The following RBFOX3 variants were observed in gnomAD, a reference collection of about 807,000 sequenced individuals.
RBFOX3 encodes the protein RNA binding fox-1 homolog 3, also known as RNA binding protein fox-1 homolog 3.
Under a neutral mutation model 48.7 loss-of-function variants are expected in RBFOX3, and 17 were observed. That is an observed-to-expected ratio of 0.35 (90% confidence interval 0.24 to 0.52). RBFOX3 has a LOEUF of 0.52. Ranked by LOEUF, RBFOX3 falls within the 20% of genes least tolerant of loss-of-function variation. The pLI is 0.94. For missense variants in RBFOX3, 382 were observed against 497.5 expected, an observed-to-expected ratio of 0.77 and a Z score of 2.21; for synonymous variants, 212 against 209.5, an observed-to-expected ratio of 1.01 and a Z score of -0.10.
At chr17:79,137,846 C>A (rs753350325) in intron 4 of RBFOX3, among the ~76,000 whole-genome samples, 11 of 152,314 alleles carry the variant, frequency 7.2e-5, no homozygotes, top group Non-Finnish European at 1.3e-4. Flanking sequence ...CAGCACAAAG[C>A]GGGGCCATTT....
intron 3 of RBFOX3, among the ~76,000 whole-genome samples, chr17:79,251,235 T>G (rs2063908208): frequency 1.3e-5 from 2 of 152,138 alleles, no homozygotes; most frequent in Admixed American, 6.5e-5. Context: ...CAGGAACTCC[T>G]GCATGTAGGT....
chr17:79,335,837 C>T (rs1213681345), intron 2 of RBFOX3, among the ~76,000 whole-genome samples: 2 of 152,224 alleles, frequency 1.3e-5, no homozygotes, highest in Non-Finnish European at 2.9e-5. Context: ...CTCACCTGCC[C>T]CTGCACTCCA....
intron 4 of RBFOX3, among the ~76,000 whole-genome samples, chr17:79,219,225 C>T (rs1215518338): frequency 6.6e-6 from 1 of 152,158 alleles, no homozygotes; most frequent in African/African-American, 2.4e-5. Flanking sequence ...TGTGGGGTTG[C>T]CCCTGCCTGG....
intron 3 of RBFOX3, among the ~76,000 whole-genome samples, chr17:79,294,216 T>G (rs2073935233): frequency 6.6e-6 from 1 of 152,240 alleles, no homozygotes; most frequent in Non-Finnish European, 1.5e-5. Flanking sequence ...CTCAGCAGAA[T>G]CCTGGACTGG....
intron 4 of RBFOX3, among the ~76,000 whole-genome samples, chr17:79,197,824 G>A (rs1001016192): frequency 2.0e-5 from 3 of 152,050 alleles, no homozygotes; most frequent in Non-Finnish European, 2.9e-5. Flanking sequence ...AGAGAGGGAC[G>A]GAGAAAACAC....
At chr17:79,197,355 C>A (rs1283782534) in intron 4 of RBFOX3, among the ~76,000 whole-genome samples, 1 of 151,618 alleles carries the variant, frequency 6.6e-6, no homozygotes, top group Non-Finnish European at 1.5e-5. Flanking sequence ...TGGGACAAAC[C>A]AGGAAACAGA....
chr17:79,619,131 C>T, the RBFOX3 span, among the ~76,000 whole-genome samples: 1 of 152,282 alleles, frequency 6.6e-6, no homozygotes, highest in South Asian at 2.1e-4. Flanking sequence ...AAAAATAGCA[C>T]CAATTTTCCA....
chr17:79,446,310 C>T (rs531658332), intron 2 of RBFOX3, among the ~76,000 whole-genome samples: 3 of 152,336 alleles, frequency 2.0e-5, no homozygotes, highest in Admixed American at 6.5e-5. Context: ...CTAAGCAGGA[C>T]ATGGCTGCCT....
At chr17:79,250,480 G>A (rs1415016017) in intron 3 of RBFOX3, among the ~76,000 whole-genome samples, 1 of 152,180 alleles carries the variant, frequency 6.6e-6, no homozygotes, top group African/African-American at 2.4e-5. Flanking sequence ...GTTGTAGGAG[G>A]AGTTCCTGAT....
At chr17:79,138,950 A>ACAC (rs1568207870) in intron 4 of RBFOX3, among the ~76,000 whole-genome samples, 256 of 16,122 alleles carry the variant, frequency 0.016, 1 homozygote, top group African/African-American at 0.077. Context: ...CACCCCCCTC[A>ACAC]GCCCCACACA....
intron 4 of RBFOX3, among the ~76,000 whole-genome samples, chr17:79,153,655 T>TA (rs1188287369): frequency 1.3e-5 from 2 of 152,154 alleles, no homozygotes; most frequent in African/African-American, 4.8e-5. Context: ...TCCCAATCCT[T>TA]ACTTGCTGCA....
intron 6 of RBFOX3, among the ~76,000 whole-genome samples, chr17:79,106,308 G>T (rs979537456): frequency 3.9e-5 from 6 of 152,190 alleles, no homozygotes; most frequent in Non-Finnish European, 7.4e-5. Flanking sequence ...TGGCTGCGAG[G>T]TCCCAAGGTA....
chr17:79,245,375 A>G (rs2148117745), intron 3 of RBFOX3, among the ~76,000 whole-genome samples: 1 of 152,232 alleles, frequency 6.6e-6, no homozygotes, highest in East Asian at 1.9e-4. Context: ...AAAGGACCCC[A>G]GGAAAATGGT....
At chr17:79,262,089 G>C (rs2065880169) in intron 3 of RBFOX3, among the ~76,000 whole-genome samples, 1 of 152,242 alleles carries the variant, frequency 6.6e-6, no homozygotes, top group South Asian at 2.1e-4. Context: ...GAGTAACTTT[G>C]AGATTCCCTT....
chr17:79,094,947 A>G (rs2074877847), intron 13 of RBFOX3, among the ~76,000 whole-genome samples: 1 of 152,174 alleles, frequency 6.6e-6, no homozygotes, highest in Admixed American at 6.5e-5. Context: ...CACTGCCCCC[A>G]AGAATGTGAC....
intron 6 of RBFOX3, among the ~76,000 whole-genome samples, chr17:79,104,749 C>T (rs191184207): frequency 2.6e-5 from 4 of 152,178 alleles, no homozygotes; most frequent in Admixed American, 2.6e-4. Flanking sequence ...AGAGCAGGAC[C>T]CCTGGTTGGG....
At chr17:79,270,475 T>C (rs1271221634) in intron 3 of RBFOX3, among the ~76,000 whole-genome samples, 1 of 152,244 alleles carries the variant, frequency 6.6e-6, no homozygotes, top group Non-Finnish European at 1.5e-5. Context: ...CCATCCACCA[T>C]GCCTCCCCTT....
At chr17:79,429,972 C>T (rs1555727568) in intron 2 of RBFOX3, among the ~76,000 whole-genome samples, 1 of 152,112 alleles carries the variant, frequency 6.6e-6, no homozygotes, top group Admixed American at 6.6e-5. Flanking sequence ...GGTGAGAGGA[C>T]AAAGGATGCA....
At chr17:79,356,281 C>T (rs1187860665) in intron 2 of RBFOX3, among the ~76,000 whole-genome samples, 1 of 148,952 alleles carries the variant, frequency 6.7e-6, no homozygotes, top group Admixed American at 6.7e-5. Context: ...GGCACTTGAT[C>T]CCACCTGGGC....
Sources: gnomAD v4.1 joint callset for allele counts (sites outside exome capture counted in the v4.1 genomes callset) on GRCh38, gnomAD v4.1.1 for gene constraint, MANE v1.5 for transcripts, NCBI Gene and HGNC (gene_info 2026-07-23, HGNC 2026-07-21) for gene names.